The following FTO variants were observed in gnomAD, a reference collection of about 807,000 sequenced individuals.
FTO encodes the protein alpha-ketoglutarate-dependent dioxygenase FTO.
A neutral mutation model predicts 63.9 loss-of-function variants in FTO; 47 were observed. The ratio of observed to expected loss-of-function variants is 0.74; its 90% CI spans 0.58 to 0.94. The LOEUF is 0.94. FTO is among the 40% of genes least tolerant of loss of function. FTO has a pLI of 0.00. For synonymous variants in FTO, 207 were observed against 224.4 expected, an observed-to-expected ratio of 0.92 and a Z score of 0.69; for missense variants, 562 against 618.1, an observed-to-expected ratio of 0.91 and a Z score of 0.96.
At chr16:53,969,455 T>TGGG (rs200165789) in intron 8 of FTO, among the ~76,000 whole-genome samples, 2 of 151,762 alleles carry the variant, frequency 1.3e-5, no homozygotes, top group East Asian at 1.9e-4. Context: ...GCTTATTTTT[T>TGGG]GGGGGGGGCT....
chr16:53,778,037 TA>T (rs1444830438), intron 1 of FTO, among the ~76,000 whole-genome samples: 1 of 152,176 alleles, frequency 6.6e-6, no homozygotes, highest in Non-Finnish European at 1.5e-5. Flanking sequence ...CACAGTATAG[TA>T]AAAAGATAGC....
At chr16:53,931,090 A>G (rs1314641738) in intron 7 of FTO, among the ~76,000 whole-genome samples, 1 of 152,144 alleles carries the variant, frequency 6.6e-6, no homozygotes, top group East Asian at 1.9e-4. Context: ...ATGGAAAACA[A>G]GGGCCCCTGG....
At chr16:54,048,458 A>T (rs2689249) in intron 8 of FTO, among the ~76,000 whole-genome samples, 2 of 151,946 alleles carry the variant, frequency 1.3e-5, no homozygotes, top group Non-Finnish European at 2.9e-5. Flanking sequence ...AACGCTGTGC[A>T]AGCCATAAAT....
chr16:53,810,277 C>CAA (rs2078486930), intron 2 of FTO, 60 bp downstream of exon 2: 14 of 1,221,638 alleles, frequency 1.1e-5, no homozygotes, highest in African/African-American at 1.0e-4. Flanking sequence ...CCTTATTTTA[C>CAA]CTATGAGGAA....
chr16:53,726,882 C>G (rs1357923013), intron 1 of FTO, among the ~76,000 whole-genome samples: 1 of 152,120 alleles, frequency 6.6e-6, no homozygotes, highest in Non-Finnish European at 1.5e-5. Flanking sequence ...ACATGCTTGT[C>G]ATTATTTGAC....
chr16:54,093,056 G>T (rs1218056556), intron 8 of FTO, among the ~76,000 whole-genome samples: 2 of 151,172 alleles, frequency 1.3e-5, no homozygotes, highest in African/African-American at 4.9e-5. Context: ...AGACTTCCTG[G>T]CATTAGTTGA....
intron 3 of FTO, among the ~76,000 whole-genome samples, chr16:53,840,952 A>G (rs557335397): frequency 4.4e-4 from 66 of 151,594 alleles, no homozygotes; most frequent in Non-Finnish European, 8.7e-4. Context: ...TTAAGGAAAT[A>G]TGGTTGAGGT....
At chr16:53,892,477 A>G (rs1304872431) in intron 7 of FTO, among the ~76,000 whole-genome samples, 1 of 152,200 alleles carries the variant, frequency 6.6e-6, no homozygotes, top group African/African-American at 2.4e-5. Context: ...TGGATTCTAT[A>G]GCATTAGACT....
At chr16:54,100,134 A>T (rs1174801598) in intron 8 of FTO, among the ~76,000 whole-genome samples, 1 of 152,172 alleles carries the variant, frequency 6.6e-6, no homozygotes, top group African/African-American at 2.4e-5. Flanking sequence ...GTTTCTAACA[A>T]GGGCCCAAAT....
intron 8 of FTO, among the ~76,000 whole-genome samples, chr16:53,983,514 C>T (rs1267359312): frequency 1.3e-5 from 2 of 152,034 alleles, no homozygotes; most frequent in Non-Finnish European, 2.9e-5. Context: ...GTTGGAATTG[C>T]TAAACAGGAC....
At chr16:54,044,147 A>G (rs1479970430) in intron 8 of FTO, among the ~76,000 whole-genome samples, 2 of 72,726 alleles carry the variant, frequency 2.8e-5, no homozygotes, top group Admixed American at 1.5e-4. Flanking sequence ...TCTGCAATTA[A>G]AAGACACAGA....
At chr16:53,823,051 A>G (rs2078908888) in intron 2 of FTO, among the ~76,000 whole-genome samples, 1 of 152,174 alleles carries the variant, frequency 6.6e-6, no homozygotes, top group Non-Finnish European at 1.5e-5. Context: ...AGAACCATTC[A>G]GAGACATCTC....
intron 1 of FTO, among the ~76,000 whole-genome samples, chr16:53,738,495 T>G (rs747063543): frequency 6.6e-6 from 1 of 152,212 alleles, no homozygotes; most frequent in African/African-American, 2.4e-5. Flanking sequence ...CATTCATTAG[T>G]TGATGGACAT....
At chr16:53,828,452 C>T (rs987517313) in intron 3 of FTO, among the ~76,000 whole-genome samples, 3 of 152,136 alleles carry the variant, frequency 2.0e-5, no homozygotes, top group African/African-American at 7.2e-5. Flanking sequence ...CATGATCCGC[C>T]CACCTCGGCC....
intron 2 of FTO, among the ~76,000 whole-genome samples, chr16:53,815,912 G>A (rs1302505428): frequency 6.6e-6 from 1 of 151,990 alleles, no homozygotes; most frequent in Non-Finnish European, 1.5e-5. Context: ...GCCTCCCAAA[G>A]TGCTGGGATT....
At chr16:53,908,868 A>T (rs1198047447) in intron 7 of FTO, among the ~76,000 whole-genome samples, 1 of 152,188 alleles carries the variant, frequency 6.6e-6, no homozygotes, top group Non-Finnish European at 1.5e-5. Flanking sequence ...TGAGAATGTA[A>T]ACACTTGCTA....
chr16:53,756,928 G>A (rs1075439), intron 1 of FTO, among the ~76,000 whole-genome samples: 62,694 of 151,850 alleles, frequency 0.41, 13,601 homozygotes, highest in Middle Eastern at 0.56. Flanking sequence ...AACATTTAAA[G>A]GATAAATGAC....
At chr16:53,967,636 A>T (rs1399869706) in intron 8 of FTO, among the ~76,000 whole-genome samples, 2 of 152,262 alleles carry the variant, frequency 1.3e-5, no homozygotes, top group African/African-American at 4.8e-5. Context: ...AAAGTGAATT[A>T]TGCATGGATG....
chr16:53,830,891 G>A (rs550525861), intron 3 of FTO, among the ~76,000 whole-genome samples: 11 of 152,190 alleles, frequency 7.2e-5, no homozygotes, highest in Admixed American at 5.9e-4. Flanking sequence ...GTGAGATTCC[G>A]TCTCAAAACA....
Sources: allele counts gnomAD v4.1 joint callset (sites outside exome capture counted in the v4.1 genomes callset), GRCh38; gene constraint gnomAD v4.1.1; transcripts MANE v1.5; gene names NCBI Gene and HGNC (gene_info 2026-07-23, HGNC 2026-07-21).